Variants in THSD7B observed in about 807,000 individuals in gnomAD.
THSD7B encodes thrombospondin type 1 domain containing 7B.
In THSD7B, 138 loss-of-function variants were observed where a neutral mutation model predicts 213.6. That is an observed-to-expected ratio of 0.65 (90% CI 0.56 to 0.74). The LOEUF (loss-of-function observed/expected upper bound fraction) is 0.74, where lower values mean the gene tolerates loss of function less well. Ranked by LOEUF, THSD7B falls within the 30% of genes least tolerant of loss-of-function variation. THSD7B has a pLI of 0.00. For synonymous variants in THSD7B, 742 were observed against 687.0 expected, an observed-to-expected ratio of 1.08 and a Z score of -1.25; for missense variants, 1,931 against 1,991.5, an observed-to-expected ratio of 0.97 and a Z score of 0.58.
chr2:137,502,703 C>A (rs1252480777), intron 15 of THSD7B, among the ~76,000 whole-genome samples: 1 of 152,144 alleles, frequency 6.6e-6, no homozygotes, highest in Non-Finnish European at 1.5e-5. Context: ...AGATAGTCCC[C>A]ACTTTGATTA....
intron 1 of THSD7B, among the ~76,000 whole-genome samples, chr2:136,806,267 C>T (rs1012434397): frequency 1.3e-5 from 2 of 152,178 alleles, no homozygotes; most frequent in Non-Finnish European, 1.5e-5. Context: ...TTGGACAGTG[C>T]GGGCTCTGGA....
intron 14 of THSD7B, among the ~76,000 whole-genome samples, chr2:137,441,318 ACCT>A (rs1442900879): frequency 6.6e-6 from 1 of 151,732 alleles, no homozygotes; most frequent in Non-Finnish European, 1.5e-5. Flanking sequence ...CCCCAGCAGA[ACCT>A]CCTCCTGTGG....
chr2:137,594,065 A>G (rs1426752062), intron 17 of THSD7B, among the ~76,000 whole-genome samples: 1 of 152,062 alleles, frequency 6.6e-6, no homozygotes, highest in Non-Finnish European at 1.5e-5. Flanking sequence ...AATAAGGTAT[A>G]GAGGGGAAGC....
At chr2:137,120,421 T>C (rs1423353380) in intron 5 of THSD7B, among the ~76,000 whole-genome samples, 1 of 142,998 alleles carries the variant, frequency 7.0e-6, no homozygotes, top group East Asian at 2.1e-4. Context: ...GGAACGGAAG[T>C]GGAGGAAGAA....
intron 7 of THSD7B, among the ~76,000 whole-genome samples, chr2:137,179,456 CATT>C (rs1680414158): frequency 6.6e-6 from 1 of 151,928 alleles, no homozygotes; most frequent in Non-Finnish European, 1.5e-5. Context: ...AACACTTCTC[CATT>C]ATGACAGAGT....
chr2:137,218,326 A>G (rs577177932), intron 7 of THSD7B, among the ~76,000 whole-genome samples: 2 of 152,130 alleles, frequency 1.3e-5, no homozygotes, highest in Non-Finnish European at 2.9e-5. Flanking sequence ...ACAATGATAT[A>G]AAGTGATGTT....
chr2:137,366,224 C>T lies in THSD7B; in HGVS notation c.2501-39389C>T, dbSNP rs148477506. 2.6e-5 allele frequency among the ~76,000 whole-genome samples: 4 copies of T among 152,166 alleles called. No homozygotes were observed. In the East Asian group the frequency reaches 5.8e-4, roughly 22 times the overall value. On this transcript the variant is annotated intron_variant, in intron 12 of 27. Transcript: ENST00000409968. ...CTTGGACACAGGGTGGGGAACATCA[C>T]ACACTGGAGCCTGTCATGGGGTGGG...
intron 2 of THSD7B, among the ~76,000 whole-genome samples, chr2:136,979,397 G>C (rs560157656): frequency 6.6e-6 from 1 of 152,020 alleles, no homozygotes; most frequent in African/African-American, 2.4e-5. Flanking sequence ...TTTCAATTTC[G>C]TCCTGTTCTC....
intron 17 of THSD7B, among the ~76,000 whole-genome samples, chr2:137,608,921 T>C (rs955944791): frequency 2.0e-5 from 3 of 152,254 alleles, no homozygotes; most frequent in Non-Finnish European, 4.4e-5. Context: ...ATTGATGTTA[T>C]AGTAAACATT....
At chr2:136,914,081 A>G (rs538917205) in intron 2 of THSD7B, among the ~76,000 whole-genome samples, 11 of 152,330 alleles carry the variant, frequency 7.2e-5, no homozygotes, top group African/African-American at 2.6e-4. Flanking sequence ...GAGCTGCCCA[A>G]GACCATGGGA....
At chr2:137,362,682 C>T (rs937109317) in intron 12 of THSD7B, among the ~76,000 whole-genome samples, 1 of 152,146 alleles carries the variant, frequency 6.6e-6, no homozygotes, top group African/African-American at 2.4e-5. Flanking sequence ...ACAAGATGAG[C>T]TAACTATCCT....
chr2:136,825,438 G>A (rs768027107), intron 1 of THSD7B, among the ~76,000 whole-genome samples: 26 of 152,080 alleles, frequency 1.7e-4, no homozygotes, highest in Non-Finnish European at 3.8e-4. Context: ...GACAGCTTGC[G>A]TTCCTTGGCT....
At chr2:136,920,045 T>A (rs574603260) in intron 2 of THSD7B, among the ~76,000 whole-genome samples, 80 of 152,312 alleles carry the variant, frequency 5.3e-4, no homozygotes, top group African/African-American at 1.8e-3. Flanking sequence ...CTGGGCTTCC[T>A]AAAGGGCTGC....
At chr2:137,670,724 A>G (rs1683545944) in intron 27 of THSD7B, among the ~76,000 whole-genome samples, 1 of 152,090 alleles carries the variant, frequency 6.6e-6, no homozygotes, top group Non-Finnish European at 1.5e-5. Context: ...GATCGAGACC[A>G]TCCTATCTAA....
intron 2 of THSD7B, among the ~76,000 whole-genome samples, chr2:137,014,562 C>T (rs946680184): frequency 6.6e-6 from 1 of 152,176 alleles, no homozygotes; most frequent in Non-Finnish European, 1.5e-5. Flanking sequence ...TCAACATTGT[C>T]AGCCTGGGAT....
At chr2:136,989,545 A>G (rs1685727153) in intron 2 of THSD7B, among the ~76,000 whole-genome samples, 2 of 152,320 alleles carry the variant, frequency 1.3e-5, no homozygotes, top group South Asian at 4.1e-4. Flanking sequence ...CCATGCTTGT[A>G]TAGCCTGCAG....
chr2:137,137,132 A>G (rs1228003397), intron 5 of THSD7B, among the ~76,000 whole-genome samples: 2 of 152,194 alleles, frequency 1.3e-5, no homozygotes, highest in Non-Finnish European at 2.9e-5. Context: ...ATCCTCATTC[A>G]TACTTTATAC....
chr2:137,243,911 G>T (rs1007408389), intron 10 of THSD7B, among the ~76,000 whole-genome samples: 1 of 152,184 alleles, frequency 6.6e-6, no homozygotes. Flanking sequence ...CATTGAATAA[G>T]AAAGAGCTTT....
intron 7 of THSD7B, among the ~76,000 whole-genome samples, chr2:137,214,510 G>C (rs1681192603): frequency 6.6e-6 from 1 of 152,084 alleles, no homozygotes; most frequent in African/African-American, 2.4e-5. Context: ...GTATACACAT[G>C]CCATGGTGGT....
Sources: gnomAD v4.1 joint callset for allele counts (sites outside exome capture counted in the v4.1 genomes callset) on GRCh38, gnomAD v4.1.1 for gene constraint, MANE v1.5 for transcripts, NCBI Gene and HGNC (gene_info 2026-07-23, HGNC 2026-07-21) for gene names.